The following BCR variants were observed in gnomAD, a reference collection of about 807,000 sequenced individuals.
BCR encodes BCR activator of RhoGEF and GTPase.
BCR carries 58 observed loss-of-function variants against 138.6 expected under a neutral mutation model. The observed-to-expected ratio is 0.42, with a 90% CI of 0.34 to 0.52. The LOEUF is 0.52. Among genes scored for constraint, BCR ranks in the 20% least tolerant of loss-of-function variants. The pLI, the probability that BCR is intolerant of heterozygous loss-of-function variation, is 0.06. For missense variants in BCR, 1,599 were observed against 1,727.2 expected, an observed-to-expected ratio of 0.93 and a Z score of 1.32; for synonymous variants, 786 against 730.1, an observed-to-expected ratio of 1.08 and a Z score of -1.23.
chr22:23,229,180 C>G (rs2072925361), intron 1 of BCR, among the ~76,000 whole-genome samples: 1 of 152,048 alleles, frequency 6.6e-6, no homozygotes, highest in Admixed American at 6.6e-5. Flanking sequence ...TTTTTTGGTT[C>G]TAAAATTCCT....
chr22:23,181,435 G>A lies in BCR; in HGVS notation c.475G>A (p.Glu159Lys), dbSNP rs1333647247. The part of the protein sequence containing the change: ...ASVAALRSNF[E>K]RIRKGHGQPG... ...CGTGGCGGCGCTCAGGTCCAACTTCGAGCGGATCCGCAAGGGCCATGGCCA... is the reference window on the plus strand; with the variant it reads ...CGTGGCGGCGCTCAGGTCCAACTTCAAGCGGATCCGCAAGGGCCATGGCCA... Residue 159 changes from glutamate (E) to lysine (K), a missense_variant, in exon 1 of 23, where the codon GAG becomes AAG. Physicochemically the swap from Glu to Lys is moderately conservative, Grantham distance 56. This residue lies in a region of BCR where 806 missense variants were observed against 635.0 expected (regional missense o/e 1.27). Coordinates refer to ENST00000305877, the MANE Select transcript of BCR (RefSeq NM_004327.4). 6.3e-7 allele frequency: 1 copy of A among 1,594,182 alleles called. No homozygotes were observed.
intron 11 of BCR, 104 bp downstream of exon 11, chr22:23,287,382 G>A: frequency 7.0e-7 from 1 of 1,427,760 alleles, no homozygotes. Context: ...CACTCTGAGA[G>A]AGGCATGTCC....
chr22:23,242,828 T>C (rs1218380456), intron 1 of BCR: 3 of 455,168 alleles, frequency 6.6e-6, no homozygotes, highest in African/African-American at 6.0e-5. Context: ...TTCTGAAGAC[T>C]GAAGTCCCAC....
chr22:23,278,374 C>T (rs1317550594), intron 8 of BCR, among the ~76,000 whole-genome samples: 1 of 152,176 alleles, frequency 6.6e-6, no homozygotes, highest in Non-Finnish European at 1.5e-5. Flanking sequence ...AGGCTTGAGG[C>T]TGAGAGATGG....
rs2073471825 is a variant in BCR, at chr22:23,268,525, T to C, written c.1860+10T>C. On this transcript the variant is annotated intron_variant, in intron 5 of 22. Coordinates refer to ENST00000305877, the MANE Select transcript of BCR (RefSeq NM_004327.4). ...TGCAGAAATCTCCGAGGTAATGCCTTGATGCCGTTCAGACAGGTGCACCGC... is the reference window on the plus strand; with the variant it reads ...TGCAGAAATCTCCGAGGTAATGCCTCGATGCCGTTCAGACAGGTGCACCGC... 2 of 1,609,350 alleles carry C rather than the reference T, an allele frequency of 1.2e-6. No individual in the cohort carries two copies. Among genetic ancestry groups the C allele is most frequent in the East Asian group, 2.2e-5 (1 of 44,844 alleles).
intron 1 of BCR, among the ~76,000 whole-genome samples, chr22:23,252,432 C>CTTTTTTTTT (rs71200842): frequency 5.1e-5 from 6 of 117,932 alleles, no homozygotes; most frequent in African/African-American, 2.1e-4. Flanking sequence ...CTTTTCTTTT[C>CTTTTTTTTT]TTTTTTTTTT....
At chr22:23,312,648 C>G (rs1481221551) in intron 19 of BCR, 3 of 555,814 alleles carry the variant, frequency 5.4e-6, no homozygotes, top group Non-Finnish European at 9.8e-6. Context: ...TGGCCTCCTC[C>G]TGGCCATCAC....
chr22:23,183,592 AG>A (rs1272865463), intron 1 of BCR, among the ~76,000 whole-genome samples: 2 of 152,336 alleles, frequency 1.3e-5, no homozygotes, highest in East Asian at 3.9e-4. Context: ...CCTGCTTTGC[AG>A]GCACATCAGC....
At chr22:23,190,499 G>C (rs1380172353) in intron 1 of BCR, among the ~76,000 whole-genome samples, 4 of 152,188 alleles carry the variant, frequency 2.6e-5, no homozygotes, top group South Asian at 2.1e-4. Context: ...ACACCAGTAA[G>C]ACTGGATTAA....
At chr22:23,258,948 C>T (rs373032353) in intron 2 of BCR, among the ~76,000 whole-genome samples, 37 of 152,344 alleles carry the variant, frequency 2.4e-4, no homozygotes, top group Admixed American at 5.9e-4. Flanking sequence ...CCCCACCCCC[C>T]GCACCCACAC....
At chr22:23,279,291 G>T (rs989312082) in intron 8 of BCR, among the ~76,000 whole-genome samples, 1 of 152,232 alleles carries the variant, frequency 6.6e-6, no homozygotes, top group African/African-American at 2.4e-5. Context: ...AGGCTTTCTT[G>T]GGGACCAGAG....
rs76355036 is a variant in BCR at position 23,223,873 on chromosome 22, C to T, written c.1280-29926C>T. 1.6e-3 allele frequency among the ~76,000 whole-genome samples: 239 copies of T among 152,286 alleles called. 1 individual carries two copies. Among genetic ancestry groups the T allele is most frequent in the African/African-American group, 5.6e-3 (231 of 41,548 alleles). ...TTGCTGACCTTTTCCTTCCTTTCCCCGCTAAATGATTCCTGGCCAAAGCCC... is the reference window on the plus strand; with the variant it reads ...TTGCTGACCTTTTCCTTCCTTTCCCTGCTAAATGATTCCTGGCCAAAGCCC... On this transcript the variant is annotated intron_variant, in intron 1 of 22. Transcript: ENST00000305877.
chr22:23,218,447 C>T (rs920790538), intron 1 of BCR, among the ~76,000 whole-genome samples: 1 of 152,248 alleles, frequency 6.6e-6, no homozygotes. Context: ...GGAAGCTCTC[C>T]CACCCACTAG....
chr22:23,248,568 T>G (rs2073182798), intron 1 of BCR, among the ~76,000 whole-genome samples: 1 of 152,130 alleles, frequency 6.6e-6, no homozygotes, highest in Non-Finnish European at 1.5e-5. Context: ...CCCTTTTTCC[T>G]TTTATGAAAG....
rs6003548 is a variant in BCR, at chr22:23,196,535, A to C, written c.1279+14296A>C. Among the ~76,000 whole-genome samples the C allele has an allele frequency of 4.8e-3, 736 of 152,244 alleles. 5 individuals are homozygous for C. Among genetic ancestry groups the C allele is most frequent in the African/African-American group, 0.017 (693 of 41,538 alleles). On this transcript the variant is annotated intron_variant, in intron 1 of 22. Transcript: ENST00000305877. The stretch of plus-strand genomic sequence containing the variant: ...ATAGTCGTCTCTCGATATCCGCAGG[A>C]AATTGGTTCCAGGATTCCCTTGGGC...
chr22:23,287,692 T>A (rs980740267), intron 11 of BCR, among the ~76,000 whole-genome samples: 3 of 152,226 alleles, frequency 2.0e-5, no homozygotes, highest in African/African-American at 7.2e-5. Context: ...ATGGCTTGTT[T>A]TCTAGCCTGA....
Position 23,283,971 on chromosome 22 carries a change from C to G in BCR, c.2116-6C>G, listed in dbSNP as rs200849746. ...GCCCTGACCCCAGCCTTCCCTGTGC[C>G]TGCAGCACCGGCAGCTGCTGAAGGA... On this transcript the variant is annotated splice_polypyrimidine_tract_variant and splice_region_variant and intron_variant, in intron 8 of 22. Transcript: ENST00000305877. 633 of 1,590,382 alleles carry G rather than the reference C, an allele frequency of 4.0e-4. 2 individuals are homozygous for G. The highest frequency in any genetic ancestry group is 9.8e-5 in the Non-Finnish European group (114 of 1,168,260).
At chr22:23,230,897 C>T (rs900876902) in intron 1 of BCR, among the ~76,000 whole-genome samples, 55 of 152,288 alleles carry the variant, frequency 3.6e-4, no homozygotes, top group African/African-American at 1.3e-3. Flanking sequence ...GGACACATAG[C>T]GTTCCTTCAG....
intron 5 of BCR, 70 bp from the exon 6 acceptor site, chr22:23,271,462 A>G: frequency 6.7e-7 from 1 of 1,502,166 alleles, no homozygotes; most frequent in East Asian, 2.3e-5. Flanking sequence ...ATTGTTGCCA[A>G]AGGGGGAACT....
Sources: gnomAD v4.1 joint callset for allele counts (sites outside exome capture counted in the v4.1 genomes callset) on GRCh38, gnomAD v4.1.1 for gene constraint, gnomAD v4.1.1 regional missense constraint, MANE v1.5 for transcripts, NCBI Gene and HGNC (gene_info 2026-07-23, HGNC 2026-07-21) for gene names.